EFCAB5: variants seen among roughly 807,000 people sequenced by gnomAD.
EFCAB5 encodes EF-hand calcium binding domain 5, also known as EF-hand calcium-binding domain-containing protein 5.
EFCAB5 carries 131 observed loss-of-function variants against 167.9 expected under a neutral mutation model. That is an observed-to-expected ratio of 0.78 (90% CI 0.68 to 0.90). The LOEUF (loss-of-function observed/expected upper bound fraction) is 0.90. Ranked by LOEUF, EFCAB5 falls within the 40% of genes least tolerant of loss-of-function variation. The pLI, the probability that EFCAB5 is intolerant of heterozygous loss-of-function variation, is 0.00. For missense variants in EFCAB5, 1,663 were observed against 1,745.2 expected (o/e 0.95, Z 0.84); for synonymous variants, 574 against 602.8 (o/e 0.95, Z 0.70).
At chr17:29,981,692 T>C (rs1002853752) in intron 4 of EFCAB5, among the ~76,000 whole-genome samples, 1 of 152,226 alleles carries the variant, frequency 6.6e-6, no homozygotes, top group African/African-American at 2.4e-5. Flanking sequence ...ATGAAAGTTT[T>C]CTTCTGTTTT....
intron 7 of EFCAB5, among the ~76,000 whole-genome samples, chr17:30,012,916 T>C (rs2151685766): frequency 6.6e-6 from 1 of 152,354 alleles, no homozygotes; most frequent in East Asian, 1.9e-4. Context: ...TTTTTGCCCA[T>C]TCAGTATGAT....
chr17:29,969,500 C>G (rs992426922), intron 4 of EFCAB5, 133 bp downstream of exon 4: 2 of 773,536 alleles, frequency 2.6e-6, no homozygotes, highest in Admixed American at 3.3e-5. Flanking sequence ...TATTGAGCTA[C>G]TAGTATGTGC....
chr17:30,055,331 A>G (rs1308453262), intron 10 of EFCAB5, among the ~76,000 whole-genome samples: 6 of 87,280 alleles, frequency 6.9e-5, no homozygotes, highest in South Asian at 4.2e-4. Context: ...AGAGGAAGGA[A>G]GGAAGGAAGG....
intron 7 of EFCAB5, among the ~76,000 whole-genome samples, chr17:30,010,816 C>A (rs1023196523): frequency 6.6e-6 from 1 of 152,142 alleles, no homozygotes; most frequent in Non-Finnish European, 1.5e-5. Flanking sequence ...TTAATTAGAT[C>A]CCATTTGTCT....
chr17:30,053,387 G>A lies in EFCAB5; in HGVS notation c.1433G>A (p.Ser478Asn), dbSNP rs1314774877. The change falls in exon 10 of 23, where the codon AGC (serine) becomes AAC (asparagine). Residue 478 changes from serine (S) to asparagine (N), a missense_variant. Coordinates refer to ENST00000394835, the MANE Select transcript of EFCAB5 (RefSeq NM_198529.4). ...ACATTACTTTCTGCAAATCATGCTA[G>A]CAAAACCCAAAGTAAATTATTAGAA... ...MNTLLSANHA[S>N]KTQSKLLESP... 1 of 1,613,910 alleles carries A rather than the reference G, an allele frequency of 6.2e-7. No homozygotes were observed. Among genetic ancestry groups the A allele is most frequent in the Non-Finnish European group, 8.5e-7 (1 of 1,179,882 alleles).
At chr17:30,078,557 T>C in intron 15 of EFCAB5, 53 bp downstream of exon 15, 4 of 1,476,848 alleles carry the variant, frequency 2.7e-6, no homozygotes, top group Non-Finnish European at 3.6e-6. Flanking sequence ...AAGTAGGCGA[T>C]GTTCAATGTT....
chr17:30,067,725 T>C (rs1279262875), intron 14 of EFCAB5, among the ~76,000 whole-genome samples: 1 of 152,150 alleles, frequency 6.6e-6, no homozygotes, highest in Non-Finnish European at 1.5e-5. Flanking sequence ...GGCAACATCA[T>C]ACTAAATGGG....
chr17:30,097,284 G>A (rs2071316584), intron 22 of EFCAB5, among the ~76,000 whole-genome samples: 1 of 151,824 alleles, frequency 6.6e-6, no homozygotes, highest in Non-Finnish European at 1.5e-5. Flanking sequence ...TCAAACTCCT[G>A]AGCTCAGATG....
rs1021359738 is a variant in EFCAB5 at position 30,069,311 on chromosome 17, C to T, written c.2738-8904C>T. 5 of 1,512,300 alleles carry T rather than the reference C, an allele frequency of 3.3e-6. No individual in the cohort carries two copies. The African/African-American group carries it at 4.1e-5, about 12-fold the overall frequency. The allele number at this position is 1,512,300 out of a possible 1,614,324, so 93.7% of individuals were successfully genotyped here. On this transcript the variant is annotated intron_variant, in intron 14 of 22. Coordinates refer to ENST00000394835, the MANE Select transcript of EFCAB5 (RefSeq NM_198529.4). ...TGGCAAAGGTGAAGATGAGTTATCC[C>T]CAGAAGAAATACAAATGTTTGAACA...
chr17:30,098,887 A>T (rs2071342038), intron 22 of EFCAB5, among the ~76,000 whole-genome samples: 1 of 152,200 alleles, frequency 6.6e-6, no homozygotes, highest in Non-Finnish European at 1.5e-5. Context: ...TGGACATTTC[A>T]TATACATGGA....
chr17:29,963,723 CTTGTTAGAGGTCTGATATGGTTTGA>C (rs1291913168), intron 3 of EFCAB5, among the ~76,000 whole-genome samples: 3 of 152,142 alleles, frequency 2.0e-5, no homozygotes, highest in African/African-American at 7.2e-5. Flanking sequence ...AATCTCTTTA[CTTGTTAGAGGTCTGATATGGTTTGA>C]ATGTGTGTCC....
intron 4 of EFCAB5, among the ~76,000 whole-genome samples, chr17:29,980,532 A>G (rs888780777): frequency 6.6e-6 from 1 of 152,222 alleles, no homozygotes; most frequent in Non-Finnish European, 1.5e-5. Flanking sequence ...ACCTCTTAGC[A>G]TTATTTCCAT....
chr17:30,081,055 G>C, intron 17 of EFCAB5, 74 bp downstream of exon 17: 2 of 1,147,144 alleles, frequency 1.7e-6, no homozygotes, highest in Non-Finnish European at 2.5e-6. Context: ...AGTGAAACCT[G>C]AAATCCGATG....
intron 22 of EFCAB5, among the ~76,000 whole-genome samples, chr17:30,097,025 CATATACATATACATATACATATACAT>C (rs1358857163): frequency 2.5e-5 from 3 of 118,290 alleles, no homozygotes; most frequent in African/African-American, 4.0e-5. Flanking sequence ...TATACATATA[CATATACATATACATATACATATACAT>C]ATATATATAT....
intron 3 of EFCAB5, among the ~76,000 whole-genome samples, chr17:29,952,046 AG>A (rs1388648085): frequency 3.3e-5 from 5 of 152,170 alleles, no homozygotes; most frequent in African/African-American, 1.2e-4. Flanking sequence ...ACAGTTATGG[AG>A]GCTGGGAAGT....
chr17:30,055,835 C>G (rs1354126604), intron 10 of EFCAB5, 53 bp from the exon 11 acceptor site: 5 of 1,566,160 alleles, frequency 3.2e-6, no homozygotes, highest in African/African-American at 1.4e-5. Flanking sequence ...CTTAAAATAG[C>G]TAATGGAATA....
chr17:30,053,116 A>G, intron 9 of EFCAB5, 139 bp from the exon 10 acceptor site: 1 of 987,440 alleles, frequency 1.0e-6, no homozygotes, highest in Non-Finnish European at 1.5e-6. Context: ...TTGCAGCCAA[A>G]GATAACTGAT....
intron 3 of EFCAB5, among the ~76,000 whole-genome samples, chr17:29,945,543 C>T (rs1429481247): frequency 3.3e-5 from 5 of 151,708 alleles, no homozygotes; most frequent in Non-Finnish European, 2.9e-5. Flanking sequence ...AAGACCCAAT[C>T]TCTAAAAAAC....
At chr17:29,996,896 C>T (rs1229295094) in intron 6 of EFCAB5, among the ~76,000 whole-genome samples, 1 of 152,116 alleles carries the variant, frequency 6.6e-6, no homozygotes, top group African/African-American at 2.4e-5. Flanking sequence ...TTTCATGTTA[C>T]ATAAATTTCC....
Sources: allele counts gnomAD v4.1 joint callset (sites outside exome capture counted in the v4.1 genomes callset), GRCh38; gene constraint gnomAD v4.1.1; transcripts MANE v1.5; gene names NCBI Gene and HGNC (gene_info 2026-07-23, HGNC 2026-07-21).